Variants in ATRNL1 observed in about 807,000 individuals in gnomAD.
ATRNL1 encodes the protein attractin-like protein 1.
In ATRNL1, 95 loss-of-function variants were observed where a neutral mutation model predicts 182.7. That is an observed-to-expected ratio of 0.52 (90% CI 0.44 to 0.62). The LOEUF (loss-of-function observed/expected upper bound fraction) is 0.62. Ranked by LOEUF, ATRNL1 falls within the 20% of genes least tolerant of loss-of-function variation. ATRNL1 has a pLI of 0.00. For missense variants in ATRNL1, 1,471 were observed against 1,679.5 expected (o/e 0.88, Z 2.17); for synonymous variants, 576 against 568.3 (o/e 1.01, Z -0.19).
intron 26 of ATRNL1, among the ~76,000 whole-genome samples, chr10:115,565,771 CA>C (rs1854040949): frequency 6.6e-6 from 1 of 151,892 alleles, no homozygotes; most frequent in Admixed American, 6.6e-5. Flanking sequence ...GCAAATTTAC[CA>C]TTTGATTATT....
chr10:115,431,113 G>T (rs1230877238), intron 21 of ATRNL1, among the ~76,000 whole-genome samples: 1 of 152,040 alleles, frequency 6.6e-6, no homozygotes, highest in East Asian at 1.9e-4. Context: ...AGATTGAAAA[G>T]ATATAATATT....
At chr10:115,451,418 A>G (rs1847274908) in intron 21 of ATRNL1, among the ~76,000 whole-genome samples, 1 of 152,172 alleles carries the variant, frequency 6.6e-6, no homozygotes, top group African/African-American at 2.4e-5. Flanking sequence ...TTTTCAAGAA[A>G]GAAACAAGCA....
intron 8 of ATRNL1, among the ~76,000 whole-genome samples, chr10:115,175,561 T>C (rs572283027): frequency 3.9e-5 from 6 of 152,210 alleles, no homozygotes; most frequent in East Asian, 3.9e-4. Flanking sequence ...TTGTCAGGCA[T>C]ACTTAAGAAT....
intron 27 of ATRNL1, among the ~76,000 whole-genome samples, chr10:115,787,572 G>A (rs1477987865): frequency 6.6e-6 from 1 of 151,884 alleles, no homozygotes; most frequent in Non-Finnish European, 1.5e-5. Flanking sequence ...ATTATATTTA[G>A]AAGCTTCATG....
At chr10:115,648,694 G>C (rs1368469354) in intron 26 of ATRNL1, among the ~76,000 whole-genome samples, 1 of 152,150 alleles carries the variant, frequency 6.6e-6, no homozygotes, top group Non-Finnish European at 1.5e-5. Context: ...CCTCCCCAAG[G>C]AATGGGAACC....
At chr10:115,694,477 A>G (rs1316660681) in intron 26 of ATRNL1, among the ~76,000 whole-genome samples, 1 of 152,066 alleles carries the variant, frequency 6.6e-6, no homozygotes, top group African/African-American at 2.4e-5. Flanking sequence ...TCAGGTAGCA[A>G]TGTTAAAACT....
intron 26 of ATRNL1, among the ~76,000 whole-genome samples, chr10:115,669,145 ATTT>A (rs1392849731): frequency 1.3e-5 from 2 of 152,098 alleles, no homozygotes; most frequent in Non-Finnish European, 2.9e-5. Flanking sequence ...GCTTTAGCAA[ATTT>A]AAAGTGGTCC....
intron 24 of ATRNL1, among the ~76,000 whole-genome samples, chr10:115,495,876 G>T (rs1163932885): frequency 1.3e-5 from 2 of 151,968 alleles, no homozygotes; most frequent in African/African-American, 4.8e-5. Flanking sequence ...GAATATTTTT[G>T]TTAGTTTTCT....
chr10:115,781,973 C>G (rs1555079437), intron 27 of ATRNL1, among the ~76,000 whole-genome samples: 3 of 152,094 alleles, frequency 2.0e-5, no homozygotes, highest in Non-Finnish European at 4.4e-5. Context: ...AATGATAATT[C>G]CTGTCGCTCC....
chr10:115,670,105 T>C (rs917944568), intron 26 of ATRNL1, among the ~76,000 whole-genome samples: 8 of 152,114 alleles, frequency 5.3e-5, no homozygotes, highest in African/African-American at 1.7e-4. Context: ...TTTCATCTGT[T>C]TCTTACTTGC....
At chr10:115,462,412 G>C (rs1246878669) in intron 22 of ATRNL1, among the ~76,000 whole-genome samples, 1 of 151,984 alleles carries the variant, frequency 6.6e-6, no homozygotes, top group Non-Finnish European at 1.5e-5. Context: ...CAGAGATCGA[G>C]ACCATCCTGG....
At chr10:115,737,289 A>T (rs1373540905) in intron 27 of ATRNL1, among the ~76,000 whole-genome samples, 2 of 146,184 alleles carry the variant, frequency 1.4e-5, no homozygotes, top group African/African-American at 5.0e-5. Flanking sequence ...CCAAAAAAAA[A>T]GGCTGGGCAT....
At chr10:115,871,702 C>G (rs1249006289) in intron 28 of ATRNL1, among the ~76,000 whole-genome samples, 8 of 151,860 alleles carry the variant, frequency 5.3e-5, no homozygotes, top group Non-Finnish European at 1.2e-4. Context: ...CATAATTTTC[C>G]AAAGGGCTTA....
At chr10:115,440,313 T>C (rs2134443822) in intron 21 of ATRNL1, among the ~76,000 whole-genome samples, 1 of 151,998 alleles carries the variant, frequency 6.6e-6, no homozygotes, top group Middle Eastern at 3.4e-3. Context: ...AAACCAAAAC[T>C]GGGGATTATA....
At chr10:115,297,654 A>G (rs1409316218) in intron 15 of ATRNL1, among the ~76,000 whole-genome samples, 13 of 150,630 alleles carry the variant, frequency 8.6e-5, no homozygotes, top group African/African-American at 2.9e-4. Context: ...CCGTCTTAAA[A>G]AAAAAAAAAA....
intron 15 of ATRNL1, among the ~76,000 whole-genome samples, chr10:115,299,773 C>T (rs181405480): frequency 6.6e-6 from 1 of 152,162 alleles, no homozygotes; most frequent in African/African-American, 2.4e-5. Context: ...GAAGAGTAAA[C>T]TGAGGTTCAT....
chr10:115,929,986 T>C (rs1953347218), intron 28 of ATRNL1, among the ~76,000 whole-genome samples: 1 of 152,090 alleles, frequency 6.6e-6, no homozygotes, highest in Admixed American at 6.6e-5. Flanking sequence ...CTAAAATCTT[T>C]CCAAAGAATG....
At chr10:115,801,288 A>G (rs1480992247) in intron 27 of ATRNL1, among the ~76,000 whole-genome samples, 2 of 152,150 alleles carry the variant, frequency 1.3e-5, no homozygotes, top group Non-Finnish European at 2.9e-5. Context: ...TAGGAACTAC[A>G]ATCTTTATGG....
chr10:115,565,147 A>C (rs533693318), intron 26 of ATRNL1, among the ~76,000 whole-genome samples: 1 of 152,160 alleles, frequency 6.6e-6, no homozygotes, highest in South Asian at 2.1e-4. Flanking sequence ...TTTTAGAACC[A>C]CACTACAGTG....
Sources: gnomAD v4.1 joint callset for allele counts (sites outside exome capture counted in the v4.1 genomes callset) on GRCh38, gnomAD v4.1.1 for gene constraint, MANE v1.5 for transcripts, NCBI Gene and HGNC (gene_info 2026-07-23, HGNC 2026-07-21) for gene names.